The following OTUD7B variants were observed in gnomAD, a reference collection of about 807,000 sequenced individuals.
OTUD7B encodes OTU domain-containing protein 7B.
OTUD7B carries 34 observed loss-of-function variants against 82.2 expected under a neutral mutation model. The ratio of observed to expected loss-of-function variants is 0.41; its 90% CI spans 0.31 to 0.55. The LOEUF is 0.55. Among genes scored for constraint, OTUD7B ranks in the 20% least tolerant of loss-of-function variants. The probability of loss-of-function intolerance (pLI) is 0.20; values close to 1 mark genes in which losing one functional copy is unlikely to be tolerated. For synonymous variants in OTUD7B, 398 were observed against 402.7 expected (o/e 0.99, Z 0.14); for missense variants, 944 against 1,062.1 (o/e 0.89, Z 1.55).
rs1553771430 is a variant in OTUD7B at position 149,944,421 on chromosome 1, T to G, written c.1968A>C (p.Gly656=). ...TGGCTGGAGGAGGGCCACCCCCTATTCCTCCATTCATGATCTTCCTCTCTG... is the reference window on the plus strand; with the variant it reads ...TGGCTGGAGGAGGGCCACCCCCTATGCCTCCATTCATGATCTTCCTCTCTG... ...KEAERKIMNG[G]IGGGPPPAKK... is the part of the protein sequence containing the mutation. The change falls in exon 12 of 12, where the codon GGA becomes GGC. Residue 656 remains glycine, a synonymous_variant. Transcript: ENST00000581312. The G allele has an allele frequency of 1.1e-5, 18 of 1,614,118 alleles. No individual in the cohort carries two copies. Among genetic ancestry groups the G allele is most frequent in the Non-Finnish European group, 1.5e-5 (18 of 1,180,016 alleles).
the OTUD7B span, among the ~76,000 whole-genome samples, chr1:150,035,949 T>C: frequency 2.2e-5 from 3 of 136,988 alleles, no homozygotes; most frequent in East Asian, 2.3e-4. Context: ...GTCTTCACCA[T>C]TGTAACTGTT....
At chr1:150,027,384 G>C in the OTUD7B span, among the ~76,000 whole-genome samples, 3 of 152,128 alleles carry the variant, frequency 2.0e-5, no homozygotes, top group Admixed American at 6.6e-5. Context: ...TTAGGAGTTT[G>C]AGACCAGCCT....
intron 1 of OTUD7B, among the ~76,000 whole-genome samples, chr1:149,989,845 G>A (rs587641326): frequency 0.34 from 201 of 594 alleles, 1 homozygote; most frequent in African/African-American, 0.45. Context: ...TATTACTATC[G>A]TCATTTTTAA....
chr1:150,021,363 G>A, the OTUD7B span, among the ~76,000 whole-genome samples: 1 of 152,152 alleles, frequency 6.6e-6, no homozygotes, highest in Admixed American at 6.6e-5. Context: ...ACAGCAGCTG[G>A]GAGGGAACAA....
chr1:150,067,495 T>A, the OTUD7B span: 1 of 244,600 alleles, frequency 4.1e-6, no homozygotes. Flanking sequence ...TGTGCCAGGT[T>A]CCTCATTTCG....
chr1:150,013,971 CACATATATAT>C (rs1653185203), upstream of OTUD7B, among the ~76,000 whole-genome samples: 3 of 132,152 alleles, frequency 2.3e-5, no homozygotes, highest in Admixed American at 7.5e-5. Flanking sequence ...CACACACACA[CACATATATAT>C]ACACACACAT....
upstream of OTUD7B, chr1:150,010,806 GC>G (rs1553787205): frequency 6.6e-6 from 1 of 152,198 alleles, no homozygotes; most frequent in Non-Finnish European, 1.5e-5. Context: ...CCGCCCCCGG[GC>G]CTCCTCCCGC....
the OTUD7B span, among the ~76,000 whole-genome samples, chr1:150,043,975 A>T: frequency 6.6e-6 from 1 of 152,148 alleles, no homozygotes; most frequent in East Asian, 1.9e-4. Context: ...AAAATTATTC[A>T]GGCATGATGG....
At chr1:150,020,004 T>C in the OTUD7B span, among the ~76,000 whole-genome samples, 3 of 152,182 alleles carry the variant, frequency 2.0e-5, no homozygotes, top group Admixed American at 2.0e-4. Flanking sequence ...GGTATGTGCC[T>C]GCAGTCCTGG....
chr1:150,048,604 A>G, the OTUD7B span: 1 of 152,114 alleles, frequency 6.6e-6, no homozygotes, highest in Non-Finnish European at 1.5e-5. Flanking sequence ...GCTTGAGCCC[A>G]AGAGTTCAAG....
the OTUD7B span, among the ~76,000 whole-genome samples, chr1:150,045,474 C>T: frequency 5.9e-5 from 9 of 152,052 alleles, no homozygotes; most frequent in Non-Finnish European, 1.3e-4. Context: ...GATCTACACC[C>T]CCTTTAATTC....
At chr1:150,005,321 CA>C (rs1448677551) in intron 1 of OTUD7B, among the ~76,000 whole-genome samples, 3 of 152,120 alleles carry the variant, frequency 2.0e-5, no homozygotes, top group Non-Finnish European at 4.4e-5. Context: ...CTACAAATAA[CA>C]GTTTAGTAAT....
chr1:149,976,187 C>T (rs1650294111), intron 2 of OTUD7B, among the ~76,000 whole-genome samples: 1 of 152,042 alleles, frequency 6.6e-6, no homozygotes, highest in Non-Finnish European at 1.5e-5. Flanking sequence ...AAAATATTAC[C>T]TATGTATGCT....
In OTUD7B at chr1:149,992,465, G is replaced by GTTTT. The variant is rs1651639050; in HGVS notation, c.-66-14890_-66-14889insAAAA. On this transcript the variant is annotated intron_variant, in intron 1 of 11. Transcript: ENST00000581312. ...TATATCTAAATTGTTTTGTGTGCATGTGTTTTTTTTTTTTTTTTTTTTTTT... is the reference window on the plus strand; with the variant it reads ...TATATCTAAATTGTTTTGTGTGCATGTTTTTGTTTTTTTTTTTTTTTTTTTTTTT... 7.4e-4 allele frequency among the ~76,000 whole-genome samples: 34 copies of GTTTT among 45,942 alleles called. 1 individual carries two copies. The highest frequency in any genetic ancestry group is 2.6e-3 in the Admixed American group (9 of 3,450). The allele number at this position is 45,942 out of a possible 152,430, so 30.1% of individuals were successfully genotyped here.
At chr1:150,003,067 G>A (rs1553785277) in intron 1 of OTUD7B, among the ~76,000 whole-genome samples, 1 of 152,018 alleles carries the variant, frequency 6.6e-6, no homozygotes, top group Non-Finnish European at 1.5e-5. Flanking sequence ...TGGCTAACAT[G>A]GTGAAACCCC....
At position 150,010,687 on chromosome 1, in the gene OTUD7B, C is replaced by T. The variant is rs1370200516; in HGVS notation, c.-306G>A. ...AGTGGCTTTTTGCCCACTCCGCACCCGGTCGCCACTCCGGCTCCGGCGGCT... is the reference window on the plus strand; with the variant it reads ...AGTGGCTTTTTGCCCACTCCGCACCTGGTCGCCACTCCGGCTCCGGCGGCT... On this transcript the variant is annotated 5_prime_UTR_variant, in exon 1 of 12. Transcript: ENST00000581312. 1 of 152,714 alleles carries T rather than the reference C, an allele frequency of 6.5e-6. No homozygotes were observed. Among genetic ancestry groups the T allele is most frequent in the Admixed American group, 6.5e-5 (1 of 15,290 alleles). 9.5% of individuals were successfully genotyped at this position (152,714 alleles called of 1,614,324 possible).
In OTUD7B at chr1:149,942,547, G is replaced by GC. The variant is rs1483232798; in HGVS notation, c.*1309dup. On this transcript the variant is annotated 3_prime_UTR_variant, in exon 12 of 12. Transcript: ENST00000581312. The stretch of plus-strand genomic sequence containing the variant: ...GATCAGCTCATTGGGAGTCATCTGT[G>GC]CTCTGTGGTTATAGTTCACTAAAAT... The GC allele has an allele frequency of 1.3e-5, 2 of 152,426 alleles. No homozygotes were observed. The highest frequency in any genetic ancestry group is 2.4e-5 in the African/African-American group (1 of 41,406). 9.4% of individuals were successfully genotyped at this position (152,426 alleles called of 1,614,324 possible).
chr1:149,945,764 T>A (rs1202595113), intron 11 of OTUD7B, among the ~76,000 whole-genome samples: 1 of 152,106 alleles, frequency 6.6e-6, no homozygotes, highest in African/African-American at 2.4e-5. Context: ...AAAACCTTTC[T>A]TAAAGAATAT....
chr1:149,973,354 GC>G (rs1650060516), intron 2 of OTUD7B, among the ~76,000 whole-genome samples: 2 of 152,194 alleles, frequency 1.3e-5, no homozygotes, highest in African/African-American at 2.4e-5. Flanking sequence ...AGCTCAGGAG[GC>G]CAAGGTTGCA....
Sources: gnomAD v4.1 joint callset for allele counts (sites outside exome capture counted in the v4.1 genomes callset) on GRCh38, gnomAD v4.1.1 for gene constraint, MANE v1.5 for transcripts, NCBI Gene and HGNC (gene_info 2026-07-23, HGNC 2026-07-21) for gene names.